The following RP1 variants were observed in gnomAD, a reference collection of about 807,000 sequenced individuals.
RP1 encodes the protein oxygen-regulated protein 1.
RP1 carries 16 observed loss-of-function variants against 14.8 expected under a neutral mutation model. The observed-to-expected ratio is 1.08, with a 90% CI of 0.73 to 1.65. The LOEUF (loss-of-function observed/expected upper bound fraction) is 1.65, where lower values mean the gene tolerates loss of function less well. Among genes scored for constraint, RP1 ranks in the 40% most tolerant of loss-of-function variants. RP1 has a pLI of 0.00. For synonymous variants in RP1, 876 were observed against 883.6 expected (o/e 0.99, Z 0.15); for missense variants, 2,631 against 2,535.0 (o/e 1.04, Z -0.81).
chr8:54,768,434 C>A (rs1392482203), intron 22 of RP1, among the ~76,000 whole-genome samples: 3 of 152,136 alleles, frequency 2.0e-5, no homozygotes, highest in Non-Finnish European at 4.4e-5. Context: ...TTTCTTCTCT[C>A]TTTTGTTTTT....
chr8:54,600,247 C>T (rs1805244200), intron 1 of RP1, among the ~76,000 whole-genome samples: 1 of 152,120 alleles, frequency 6.6e-6, no homozygotes, highest in Non-Finnish European at 1.5e-5. Context: ...TCTTGCCTGC[C>T]ATAATGTAAG....
At chr8:54,565,841 G>T (rs1804393194) in intron 1 of RP1, among the ~76,000 whole-genome samples, 1 of 152,182 alleles carries the variant, frequency 6.6e-6, no homozygotes, top group Non-Finnish European at 1.5e-5. Flanking sequence ...CTGTCTCACA[G>T]TCTGGAGGCT....
At chr8:54,596,660 A>G (rs1805155324) in intron 1 of RP1, among the ~76,000 whole-genome samples, 1 of 152,146 alleles carries the variant, frequency 6.6e-6, no homozygotes, top group African/African-American at 2.4e-5. Context: ...CCCCACTTAA[A>G]CAAGGACAGA....
At chr8:54,709,347 GC>G (rs1406725917) in intron 15 of RP1, among the ~76,000 whole-genome samples, 4 of 152,156 alleles carry the variant, frequency 2.6e-5, no homozygotes, top group Non-Finnish European at 5.9e-5. Context: ...AATGTTGGAA[GC>G]CCCTTCTGTT....
At chr8:54,609,862 G>A (rs1191095888) in intron 1 of RP1, among the ~76,000 whole-genome samples, 1 of 152,170 alleles carries the variant, frequency 6.6e-6, no homozygotes, top group East Asian at 1.9e-4. Flanking sequence ...GGCACTGAAG[G>A]ATGCAGCTCC....
chr8:54,715,189 T>C (rs1808372997), intron 15 of RP1, among the ~76,000 whole-genome samples: 1 of 152,172 alleles, frequency 6.6e-6, no homozygotes, highest in South Asian at 2.1e-4. Flanking sequence ...TAGAGGGAAA[T>C]GGGCATTAGA....
intron 1 of RP1, among the ~76,000 whole-genome samples, chr8:54,582,148 C>A (rs1302632260): frequency 1.1e-4 from 17 of 152,008 alleles, no homozygotes; most frequent in Non-Finnish European, 1.8e-4. Flanking sequence ...CTAACATTTA[C>A]GTCTTTAATC....
chr8:54,827,802 G>A (rs1205476352), intron 24 of RP1, among the ~76,000 whole-genome samples: 13 of 152,072 alleles, frequency 8.5e-5, no homozygotes, highest in Admixed American at 5.9e-4. Flanking sequence ...GGAGGCTGAG[G>A]CGGAAGAAGT....
At chr8:54,780,302 G>C (rs1053596134) in intron 23 of RP1, among the ~76,000 whole-genome samples, 1 of 152,368 alleles carries the variant, frequency 6.6e-6, no homozygotes, top group East Asian at 1.9e-4. Context: ...GTCTGCAAGG[G>C]AAGAATGCTT....
chr8:54,711,537 A>G lies in RP1; in HGVS notation c.2211+4882A>G, dbSNP rs79433709. On this transcript the variant is annotated intron_variant, in intron 15 of 22. Transcript: ENST00000636932. ...AAGACAAAGGGAGGAGGCTGACTGTATTTTTAGTGTCTAACTGCATTCCAA... is the reference window on the plus strand; with the variant it reads ...AAGACAAAGGGAGGAGGCTGACTGTGTTTTTAGTGTCTAACTGCATTCCAA... 2.6e-3 allele frequency among the ~76,000 whole-genome samples: 400 copies of G among 152,288 alleles called. 16 individuals are homozygous for G. The East Asian group carries it at 0.06, about 23-fold the overall frequency.
intron 23 of RP1, among the ~76,000 whole-genome samples, chr8:54,777,152 G>A (rs1466998674): frequency 1.3e-5 from 2 of 152,144 alleles, no homozygotes; most frequent in Admixed American, 1.3e-4. Flanking sequence ...TATCCATAAA[G>A]CACCTTGAAC....
chr8:54,719,180 C>G (rs1168545264), intron 15 of RP1, among the ~76,000 whole-genome samples: 1 of 152,034 alleles, frequency 6.6e-6, no homozygotes, highest in Non-Finnish European at 1.5e-5. Flanking sequence ...GTTTATGGTG[C>G]CCCTCCACCT....
chr8:54,736,972 G>A (rs1252456884), intron 18 of RP1, among the ~76,000 whole-genome samples: 2 of 152,192 alleles, frequency 1.3e-5, no homozygotes, highest in Non-Finnish European at 2.9e-5. Flanking sequence ...TCTCTTCTCT[G>A]TGGGTATTGA....
At chr8:54,600,218 T>C (rs1171043325) in intron 1 of RP1, among the ~76,000 whole-genome samples, 2 of 152,196 alleles carry the variant, frequency 1.3e-5, no homozygotes, top group East Asian at 3.9e-4. Flanking sequence ...AAGGGGAGTT[T>C]CCCTGCATAA....
intron 1 of RP1, among the ~76,000 whole-genome samples, chr8:54,563,249 G>A (rs1034191807): frequency 6.6e-6 from 1 of 152,192 alleles, no homozygotes; most frequent in Non-Finnish European, 1.5e-5. Flanking sequence ...GGCTGAGAGG[G>A]AGGAGGGCCT....
chr8:54,737,335 C>G (rs1199673658), intron 18 of RP1, among the ~76,000 whole-genome samples: 1 of 152,188 alleles, frequency 6.6e-6, no homozygotes, highest in Non-Finnish European at 1.5e-5. Flanking sequence ...TCTGCCTTAA[C>G]AGACAGATAG....
intron 1 of RP1, among the ~76,000 whole-genome samples, chr8:54,575,301 G>C (rs1339334331): frequency 2.6e-5 from 4 of 152,190 alleles, no homozygotes; most frequent in Non-Finnish European, 4.4e-5. Context: ...CTGAGATGGA[G>C]AAAAACCAAC....
chr8:54,635,978 C>T (rs1303460387), intron 3 of RP1, among the ~76,000 whole-genome samples: 2 of 152,224 alleles, frequency 1.3e-5, no homozygotes. Context: ...CTTTCTCCCT[C>T]TTCCTCTCCT....
chr8:54,859,805 C>A (rs1812299717), intron 27 of RP1, among the ~76,000 whole-genome samples: 1 of 152,174 alleles, frequency 6.6e-6, no homozygotes, highest in Non-Finnish European at 1.5e-5. Flanking sequence ...TGCCCCAAGC[C>A]TCCCTTGCCA....
Sources: allele counts gnomAD v4.1 joint callset (sites outside exome capture counted in the v4.1 genomes callset), GRCh38; gene constraint gnomAD v4.1.1; transcripts MANE v1.5; gene names NCBI Gene and HGNC (gene_info 2026-07-23, HGNC 2026-07-21).